The following PPP2R2B variants were observed in gnomAD, a reference collection of about 807,000 sequenced individuals.
PPP2R2B encodes serine/threonine-protein phosphatase 2A 55 kDa regulatory subunit B beta isoform.
Under a neutral mutation model 46.0 loss-of-function variants are expected in PPP2R2B, and 5 were observed. That is an observed-to-expected ratio of 0.11 (90% confidence interval 0.06 to 0.23). The LOEUF (loss-of-function observed/expected upper bound fraction) is 0.23. Ranked by LOEUF, PPP2R2B falls within the 10% of genes least tolerant of loss-of-function variation. The pLI is 1.00. For synonymous variants in PPP2R2B, 215 were observed against 206.7 expected (o/e 1.04, Z -0.34); for missense variants, 367 against 575.0 (o/e 0.64, Z 3.70).
exon 1 of PPP2R2B, chr5:147,055,898 G>T: frequency 6.9e-7 from 1 of 1,442,630 alleles, no homozygotes; most frequent in Non-Finnish European, 9.1e-7. Flanking sequence ...AACTGGAGAT[G>T]GGTCCCATTT....
chr5:147,081,248 C>T (rs972100719), intron 1 of PPP2R2B: 82 of 1,535,556 alleles, frequency 5.3e-5, no homozygotes, highest in Non-Finnish European at 5.2e-6. Flanking sequence ...TAAAAGGAGA[C>T]TTGCACACCA....
intron 2 of PPP2R2B, among the ~76,000 whole-genome samples, chr5:146,836,688 G>A (rs1414317928): frequency 1.3e-5 from 2 of 152,210 alleles, no homozygotes; most frequent in African/African-American, 4.8e-5. Context: ...TCTGAGAACT[G>A]TTCTTTGTAG....
At chr5:146,785,651 G>A (rs113193245) in intron 2 of PPP2R2B, among the ~76,000 whole-genome samples, 28 of 152,194 alleles carry the variant, frequency 1.8e-4, no homozygotes, top group African/African-American at 6.5e-4. Context: ...GCAAGCAACG[G>A]AACTAAAATA....
chr5:147,075,334 T>C (rs1757731162), intron 2 of PPP2R2B, among the ~76,000 whole-genome samples: 1 of 152,156 alleles, frequency 6.6e-6, no homozygotes, highest in African/African-American at 2.4e-5. Flanking sequence ...TTAGATGGCA[T>C]CCTAACCACC....
At position 146,638,366 on chromosome 5, in the gene PPP2R2B, G is replaced by A; in HGVS notation, c.675C>T (p.Ile225=). ...GATGGGGGTGGAACTCGGCTGCTGT[G>A]ATCACCTCCGTGAGCTCCTCCATGT... is the stretch of plus-strand genomic sequence containing the variant. ...PANMEELTEV[I]TAAEFHPHHC... The change falls in exon 7 of 10, where the codon ATC becomes ATT. Residue 225 remains isoleucine (I), a synonymous_variant. Coordinates refer to ENST00000394411, the MANE Select transcript of PPP2R2B (RefSeq NM_181675.4). 1.2e-6 allele frequency: 2 copies of A among 1,612,806 alleles called. No individual in the cohort carries two copies. The highest frequency in any genetic ancestry group is 8.5e-7 in the Non-Finnish European group (1 of 1,178,970).
intron 2 of PPP2R2B, among the ~76,000 whole-genome samples, chr5:146,795,608 G>A (rs1401984325): frequency 6.6e-6 from 1 of 152,062 alleles, no homozygotes; most frequent in Non-Finnish European, 1.5e-5. Context: ...TTAGTAATGT[G>A]TTATATACTT....
intron 2 of PPP2R2B, among the ~76,000 whole-genome samples, chr5:146,727,917 T>C (rs1751976044): frequency 2.0e-5 from 3 of 152,148 alleles, no homozygotes; most frequent in Non-Finnish European, 4.4e-5. Context: ...TTTTACTTTA[T>C]ACTTCTATGA....
upstream of PPP2R2B, among the ~76,000 whole-genome samples, chr5:146,880,293 C>T (rs1044928564): frequency 2.6e-5 from 4 of 151,354 alleles, no homozygotes; most frequent in African/African-American, 9.7e-5. Flanking sequence ...AAGACTTATA[C>T]ACTTGTTTGT....
At chr5:146,707,639 G>C in intron 2 of PPP2R2B, 1 of 593,510 alleles carries the variant, frequency 1.7e-6, no homozygotes, top group East Asian at 2.8e-5. Context: ...GAACCAGGCG[G>C]AGATTCCAGA....
intron 1 of PPP2R2B, among the ~76,000 whole-genome samples, chr5:146,974,183 A>G (rs1752787529): frequency 6.6e-6 from 1 of 152,252 alleles, no homozygotes; most frequent in African/African-American, 2.4e-5. Flanking sequence ...AGAACAAAAA[A>G]GTCAAAATAG....
intron 5 of PPP2R2B, among the ~76,000 whole-genome samples, chr5:146,680,337 T>C (rs1158737172): frequency 2.0e-5 from 3 of 150,338 alleles, no homozygotes; most frequent in Admixed American, 6.6e-5. Flanking sequence ...TAGGTGGGAA[T>C]TGGACAATGA....
intron 2 of PPP2R2B, among the ~76,000 whole-genome samples, chr5:146,781,168 ATATATAT>A: frequency 8.9e-6 from 1 of 112,682 alleles, no homozygotes; most frequent in Non-Finnish European, 1.8e-5. Flanking sequence ...ATATATATAT[ATATATAT>A]AAAATTATTC....
chr5:146,696,039 TA>T (rs1779156299), intron 4 of PPP2R2B, among the ~76,000 whole-genome samples: 2 of 152,042 alleles, frequency 1.3e-5, no homozygotes, highest in African/African-American at 4.8e-5. Context: ...GCTATATAAT[TA>T]ATCTTCATTG....
At chr5:146,966,611 T>G (rs566271688) in intron 1 of PPP2R2B, among the ~76,000 whole-genome samples, 1 of 152,264 alleles carries the variant, frequency 6.6e-6, no homozygotes, top group African/African-American at 2.4e-5. Flanking sequence ...CTGTTTCCCA[T>G]CCCCTTCTCT....
At chr5:146,948,608 T>A (rs912470095) in intron 1 of PPP2R2B, among the ~76,000 whole-genome samples, 1 of 152,114 alleles carries the variant, frequency 6.6e-6, no homozygotes, top group Admixed American at 6.6e-5. Flanking sequence ...TTAATCTTTA[T>A]AATTTTGTTT....
intron 1 of PPP2R2B, among the ~76,000 whole-genome samples, chr5:146,885,957 C>T (rs370580369): frequency 1.2e-3 from 176 of 151,794 alleles, no homozygotes; most frequent in African/African-American, 4.2e-3. Flanking sequence ...TTAGTGGTTG[C>T]CAGGGACTGA....
chr5:146,866,885 G>C (rs1445497101), intron 2 of PPP2R2B, among the ~76,000 whole-genome samples: 1 of 152,128 alleles, frequency 6.6e-6, no homozygotes, highest in East Asian at 1.9e-4. Flanking sequence ...CATTCTTTCT[G>C]TAAAACAGGC....
chr5:146,712,766 C>T (rs1278376997), intron 2 of PPP2R2B, among the ~76,000 whole-genome samples: 1 of 152,106 alleles, frequency 6.6e-6, no homozygotes, highest in African/African-American at 2.4e-5. Context: ...GCATGATCAT[C>T]CCCAATAGAG....
rs75650974 is a variant in PPP2R2B, at chr5:146,652,145, G to A, written c.448-1421C>T. Among the ~76,000 whole-genome samples the A allele has an allele frequency of 6.3e-3, 962 of 152,284 alleles. 22 individuals are homozygous for A. Among genetic ancestry groups the A allele is most frequent in the Admixed American group, 0.041 (632 of 15,292 alleles). On this transcript the variant is annotated intron_variant, in intron 5 of 9. Transcript: ENST00000394411. Reference sequence around the variant, plus strand: ...CTATAGATTAAGTGTGTGTGGCAGCGAATGGGAGACCAGGGTTCTGATCAG... The same window carrying A: ...CTATAGATTAAGTGTGTGTGGCAGCAAATGGGAGACCAGGGTTCTGATCAG...
Sources: gnomAD v4.1 joint callset for allele counts (sites outside exome capture counted in the v4.1 genomes callset) on GRCh38, gnomAD v4.1.1 for gene constraint, MANE v1.5 for transcripts, NCBI Gene and HGNC (gene_info 2026-07-23, HGNC 2026-07-21) for gene names.